EIF4B: variants seen among roughly 807,000 people sequenced by gnomAD.
The protein encoded by EIF4B is eukaryotic translation initiation factor 4B.
A neutral mutation model predicts 79.3 loss-of-function variants in EIF4B; 8 were observed. The ratio of observed to expected loss-of-function variants is 0.10; its 90% CI spans 0.06 to 0.18. The LOEUF (loss-of-function observed/expected upper bound fraction) is 0.18. Ranked by LOEUF, EIF4B falls within the 10% of genes least tolerant of loss-of-function variation. The probability of loss-of-function intolerance (pLI) is 1.00; values close to 1 mark genes in which losing one functional copy is unlikely to be tolerated. For missense variants in EIF4B, 515 were observed against 792.4 expected (o/e 0.65, Z 4.20); for synonymous variants, 238 against 274.7 (o/e 0.87, Z 1.32).
intron 8 of EIF4B, among the ~76,000 whole-genome samples, chr12:53,032,970 C>CAAACA (rs1398418223): frequency 6.6e-6 from 1 of 151,968 alleles, no homozygotes; most frequent in African/African-American, 2.4e-5. Flanking sequence ...TGCGCCCGGC[C>CAAACA]AGAACTTGGT....
chr12:53,026,540 A>G (rs2120941721), intron 6 of EIF4B, among the ~76,000 whole-genome samples: 1 of 152,384 alleles, frequency 6.6e-6, no homozygotes, highest in Admixed American at 6.5e-5. Flanking sequence ...AAGGGTATAC[A>G]TGACTTCAAA....
Position 53,006,490 on chromosome 12 carries a change from G to A in EIF4B, c.7G>A (p.Ala3Thr), listed in dbSNP as rs1447227920. ...TCTCTTTCCCTCTCCCAACATGGCG[G>A]CCTCAGGTGAGCGAGCAGCCGAGCG... MA[A>T]SAKKKNKKGK... The change falls in exon 1 of 15, where the codon GCC becomes ACC. Residue 3 changes from alanine to threonine, a missense_variant. By Grantham distance (58) the Ala-to-Thr change is moderately conservative. Around this residue, in one of 6 missense-constraint regions of EIF4B, gnomAD observed 105 missense variants for 177.2 expected, o/e 0.59. Coordinates refer to ENST00000262056, the MANE Select transcript of EIF4B (RefSeq NM_001417.7). 1.2e-6 allele frequency: 2 copies of A among 1,613,402 alleles called. No individual in the cohort carries two copies. The highest frequency in any genetic ancestry group is 2.2e-5 in the East Asian group (1 of 44,888).
rs1285191387 is a variant in EIF4B at position 53,033,875 on chromosome 12, G to C, written c.1049G>C (p.Ser350Thr). 51 of 1,614,060 alleles carry C rather than the reference G, an allele frequency of 3.2e-5. No homozygotes were observed. The highest frequency in any genetic ancestry group is 4.3e-5 in the Non-Finnish European group (51 of 1,179,906). Reference sequence around the variant, plus strand: ...CCTAAGGAAGATGATTCCTCTGCTAGTACCTCCCAGTCCACTCGAGCTGCT... The same window carrying C: ...CCTAAGGAAGATGATTCCTCTGCTACTACCTCCCAGTCCACTCGAGCTGCT... ...STPKEDDSSA[S>T]TSQSTRAASI... The change falls in exon 9 of 15, where the codon AGT (serine) becomes ACT (threonine). Residue 350 changes from serine to threonine, a missense_variant. Ser to Thr is a moderately conservative substitution (Grantham distance 58). Coordinates refer to ENST00000262056, the MANE Select transcript of EIF4B (RefSeq NM_001417.7).
chr12:53,017,132 A>G (rs771988292), intron 2 of EIF4B, among the ~76,000 whole-genome samples: 19 of 152,214 alleles, frequency 1.2e-4, no homozygotes, highest in Non-Finnish European at 2.6e-4. Context: ...ATGTGCCTGT[A>G]ATTTCAGCTA....
intron 6 of EIF4B, among the ~76,000 whole-genome samples, chr12:53,025,676 A>G (rs1014977307): frequency 6.6e-6 from 1 of 152,234 alleles, no homozygotes; most frequent in African/African-American, 2.4e-5. Context: ...GTTTTAGATC[A>G]TTTCTATAAT....
At chr12:53,008,793 TC>T (rs1364259218) in intron 1 of EIF4B, 2 of 151,970 alleles carry the variant, frequency 1.3e-5, no homozygotes, top group East Asian at 3.9e-4. Context: ...TCCCAGCACT[TC>T]GGGAGGTCGA....
At chr12:53,016,256 C>T (rs765293928) in intron 1 of EIF4B, among the ~76,000 whole-genome samples, 6 of 143,030 alleles carry the variant, frequency 4.2e-5, no homozygotes, top group Non-Finnish European at 8.9e-5. Context: ...GACCCTTTTC[C>T]GTACGTAAAC....
At chr12:53,039,736 C>G (rs1370413206) in intron 14 of EIF4B, 34 bp downstream of exon 14, 2 of 1,591,334 alleles carry the variant, frequency 1.3e-6, no homozygotes, top group Non-Finnish European at 1.7e-6. Context: ...ATTTTTCATT[C>G]TAAGAAAAAT....
At chr12:53,039,024 T>G in intron 12 of EIF4B, 1 of 466,306 alleles carries the variant, frequency 2.1e-6, no homozygotes. Flanking sequence ...TATCCCTACA[T>G]GGAACTTTTT....
intron 6 of EIF4B, chr12:53,025,194 C>T (rs529811452): frequency 4.4e-6 from 2 of 455,470 alleles, no homozygotes; most frequent in Non-Finnish European, 8.8e-6. Context: ...TGATTAACTT[C>T]AGCATTTATG....
chr12:53,036,761 C>CT (rs987312943), intron 10 of EIF4B, among the ~76,000 whole-genome samples: 8 of 151,026 alleles, frequency 5.3e-5, no homozygotes, highest in Non-Finnish European at 8.9e-5. Flanking sequence ...GAGTCTCACT[C>CT]TGTCAGCCAG....
chr12:53,037,067 G>A (rs1943552115), intron 10 of EIF4B, among the ~76,000 whole-genome samples: 1 of 152,188 alleles, frequency 6.6e-6, no homozygotes, highest in South Asian at 2.1e-4. Flanking sequence ...GTGGTTACTA[G>A]AGTTTGGGGT....
intron 10 of EIF4B, among the ~76,000 whole-genome samples, chr12:53,034,956 CTTTTTTTTTTTTT>C (rs72498436): frequency 4.4e-5 from 4 of 90,156 alleles, no homozygotes; most frequent in East Asian, 3.5e-4. Context: ...TTGTCTCTCT[CTTTTTTTTTTTTT>C]TTTTTTTTTG....
intron 3 of EIF4B, 56 bp downstream of exon 3, chr12:53,019,062 A>G: frequency 6.4e-7 from 1 of 1,572,292 alleles, no homozygotes; most frequent in Non-Finnish European, 8.7e-7. Flanking sequence ...TCTAAAAAAG[A>G]CTAATTGTGG....
chr12:53,013,470 G>A (rs546014841), intron 1 of EIF4B: 1 of 152,272 alleles, frequency 6.6e-6, no homozygotes, highest in African/African-American at 2.4e-5. Flanking sequence ...ACTCGTGTTC[G>A]CTTATTAAAA....
At chr12:53,009,721 T>C (rs1226785516) in intron 1 of EIF4B, among the ~76,000 whole-genome samples, 1 of 152,212 alleles carries the variant, frequency 6.6e-6, no homozygotes, top group African/African-American at 2.4e-5. Flanking sequence ...GATTCCCTAG[T>C]GTCAAGTTCC....
chr12:53,037,183 A>G (rs1220317741), intron 10 of EIF4B, among the ~76,000 whole-genome samples: 1 of 152,226 alleles, frequency 6.6e-6, no homozygotes, highest in East Asian at 1.9e-4. Flanking sequence ...AAAAGGTCAC[A>G]TGGCTGGGTG....
intron 9 of EIF4B, 69 bp downstream of exon 9, chr12:53,034,103 G>A (rs1943495246): frequency 6.9e-7 from 1 of 1,444,898 alleles, no homozygotes; most frequent in Admixed American, 2.2e-5. Context: ...ACATCCCCAG[G>A]GGCATTTGGG....
chr12:53,023,848 G>T (rs1323168903), intron 6 of EIF4B, among the ~76,000 whole-genome samples: 1 of 152,008 alleles, frequency 6.6e-6, no homozygotes, highest in East Asian at 1.9e-4. Context: ...CTCCCAAAGT[G>T]CTGGGATTAC....
Sources: allele counts gnomAD v4.1 joint callset (sites outside exome capture counted in the v4.1 genomes callset), GRCh38; gene constraint gnomAD v4.1.1; regional missense constraint gnomAD v4.1.1; transcripts MANE v1.5; gene names NCBI Gene and HGNC (gene_info 2026-07-23, HGNC 2026-07-21).